CNTN3: variants seen among roughly 807,000 people sequenced by gnomAD.
CNTN3 encodes the protein contactin-3.
In CNTN3, 60 loss-of-function variants were observed where a neutral mutation model predicts 119.1. The observed-to-expected ratio is 0.50, with a 90% CI of 0.41 to 0.62. The LOEUF (loss-of-function observed/expected upper bound fraction) is 0.62, where lower values mean the gene tolerates loss of function less well. Among genes scored for constraint, CNTN3 ranks in the 20% least tolerant of loss-of-function variants. The pLI is 0.00. For missense variants in CNTN3, 1,101 were observed against 1,242.4 expected (o/e 0.89, Z 1.71); for synonymous variants, 450 against 438.7 (o/e 1.03, Z -0.32).
At chr3:74,292,693 G>T (rs1211283689) in intron 19 of CNTN3, among the ~76,000 whole-genome samples, 1 of 152,194 alleles carries the variant, frequency 6.6e-6, no homozygotes, top group East Asian at 1.9e-4. Flanking sequence ...CCATTCTACA[G>T]GTGAGGAAAA....
intron 5 of CNTN3, among the ~76,000 whole-genome samples, chr3:74,401,312 C>T (rs1166734705): frequency 6.6e-6 from 1 of 152,060 alleles, no homozygotes; most frequent in East Asian, 1.9e-4. Context: ...TTCAAACTGT[C>T]CCTACTGTAA....
chr3:74,524,843 G>C (rs1042239647), intron 1 of CNTN3, among the ~76,000 whole-genome samples: 1 of 151,854 alleles, frequency 6.6e-6, no homozygotes, highest in African/African-American at 2.4e-5. Flanking sequence ...TCTGGGCATA[G>C]GAAATAGAAT....
At chr3:74,458,941 G>A (rs1181987082) in intron 4 of CNTN3, among the ~76,000 whole-genome samples, 1 of 152,000 alleles carries the variant, frequency 6.6e-6, no homozygotes, top group Non-Finnish European at 1.5e-5. Context: ...CCAGCTGGAA[G>A]TTGCAGACCA....
intron 4 of CNTN3, among the ~76,000 whole-genome samples, chr3:74,478,358 C>T (rs936392422): frequency 6.6e-6 from 1 of 151,982 alleles, no homozygotes; most frequent in Admixed American, 6.6e-5. Flanking sequence ...CAGGTGAGTG[C>T]CCTCCCCCAC....
chr3:74,353,014 G>A (rs1318553253), intron 11 of CNTN3, among the ~76,000 whole-genome samples: 1 of 152,178 alleles, frequency 6.6e-6, no homozygotes, highest in Admixed American at 6.5e-5. Flanking sequence ...AGAGATGGGA[G>A]TGGCATTTTG....
In CNTN3 at chr3:74,510,225, C is replaced by T. The variant is rs567255745; in HGVS notation, c.56-10440G>A. ...CCTAATCAGATTCACTTAACTCCAA[C>T]TGTAATTTATGCATCCAACTATAAC... On this transcript the variant is annotated intron_variant, in intron 2 of 22. Transcript: ENST00000263665. Among the ~76,000 whole-genome samples the T allele has an allele frequency of 2.7e-5, 4 of 150,428 alleles. No individual in the cohort carries two copies. The South Asian group carries it at 8.5e-4, about 32-fold the overall frequency.
intron 1 of CNTN3, among the ~76,000 whole-genome samples, chr3:74,594,959 T>C (rs1704776254): frequency 1.3e-5 from 2 of 152,166 alleles, no homozygotes; most frequent in African/African-American, 4.8e-5. Flanking sequence ...CCAGCACCTG[T>C]TGTTTCCTGA....
intron 1 of CNTN3, among the ~76,000 whole-genome samples, chr3:74,555,635 T>A (rs1238930900): frequency 6.6e-6 from 1 of 152,206 alleles, no homozygotes; most frequent in Non-Finnish European, 1.5e-5. Context: ...CCTGGTTTAG[T>A]CTTGGGAGGA....
intron 2 of CNTN3, among the ~76,000 whole-genome samples, chr3:74,509,572 G>C (rs1167490207): frequency 1.3e-5 from 2 of 152,136 alleles, no homozygotes; most frequent in Non-Finnish European, 2.9e-5. Context: ...CTGGGTTACA[G>C]GCATGAGCCA....
At chr3:74,557,407 C>G (rs1322594206) in intron 1 of CNTN3, among the ~76,000 whole-genome samples, 1 of 152,076 alleles carries the variant, frequency 6.6e-6, no homozygotes, top group Non-Finnish European at 1.5e-5. Flanking sequence ...GAAACATCCA[C>G]TTGTAGAGGC....
chr3:74,335,958 T>C (rs1231085273), intron 12 of CNTN3, among the ~76,000 whole-genome samples: 1 of 152,150 alleles, frequency 6.6e-6, no homozygotes, highest in East Asian at 1.9e-4. Context: ...ATTTTTGCCT[T>C]CTAATAATTT....
At chr3:74,515,311 T>C (rs886577671) in intron 2 of CNTN3, among the ~76,000 whole-genome samples, 2 of 151,992 alleles carry the variant, frequency 1.3e-5, no homozygotes, top group Non-Finnish European at 2.9e-5. Context: ...CCTCTGAAGA[T>C]GGTCAAGTGA....
chr3:74,536,920 C>A (rs899179430), intron 1 of CNTN3, among the ~76,000 whole-genome samples: 4 of 151,942 alleles, frequency 2.6e-5, no homozygotes, highest in Non-Finnish European at 5.9e-5. Flanking sequence ...CTGCCAGGTG[C>A]CTACCCACTC....
chr3:74,274,314 T>C (rs1701839216), intron 20 of CNTN3, among the ~76,000 whole-genome samples: 1 of 152,058 alleles, frequency 6.6e-6, no homozygotes, highest in African/African-American at 2.4e-5. Context: ...TGATGCTCTC[T>C]GGAAAGCGCC....
chr3:74,423,981 AT>A (rs1171361285), intron 5 of CNTN3, among the ~76,000 whole-genome samples: 7 of 152,336 alleles, frequency 4.6e-5, no homozygotes, highest in African/African-American at 1.7e-4. Flanking sequence ...TTTCCTTTGA[AT>A]AAGTTTTACT....
chr3:74,595,407 T>C (rs1390871442), intron 1 of CNTN3, among the ~76,000 whole-genome samples: 2 of 152,082 alleles, frequency 1.3e-5, no homozygotes, highest in Non-Finnish European at 2.9e-5. Flanking sequence ...GGTTTTCTTC[T>C]AGGGTTTTTA....
At chr3:74,377,067 C>A (rs982292901) in intron 5 of CNTN3, among the ~76,000 whole-genome samples, 3 of 151,858 alleles carry the variant, frequency 2.0e-5, no homozygotes, top group African/African-American at 7.3e-5. Context: ...AACTACAACC[C>A]CCAAACAAAT....
At chr3:74,537,344 G>A (rs188089427) in intron 1 of CNTN3, among the ~76,000 whole-genome samples, 16 of 152,212 alleles carry the variant, frequency 1.1e-4, no homozygotes, top group Middle Eastern at 3.4e-3. Context: ...CTCCATATCA[G>A]ACCATGTGGG....
intron 1 of CNTN3, among the ~76,000 whole-genome samples, chr3:74,579,113 A>G (rs746678149): frequency 5.9e-5 from 9 of 152,072 alleles, no homozygotes; most frequent in Non-Finnish European, 1.2e-4. Context: ...TTTCGTGCCA[A>G]TATCAGACAA....
Sources: allele counts gnomAD v4.1 joint callset (sites outside exome capture counted in the v4.1 genomes callset), GRCh38; gene constraint gnomAD v4.1.1; transcripts MANE v1.5; gene names NCBI Gene and HGNC (gene_info 2026-07-23, HGNC 2026-07-21).